The following LUZP2 variants were observed in gnomAD, a reference collection of about 807,000 sequenced individuals.
The protein encoded by LUZP2 is leucine zipper protein 2.
In LUZP2, 52 loss-of-function variants were observed where a neutral mutation model predicts 51.6. The observed-to-expected ratio is 1.01, with a 90% CI of 0.81 to 1.27. The LOEUF (loss-of-function observed/expected upper bound fraction) is 1.27, where lower values mean the gene tolerates loss of function less well. Ranked by LOEUF, LUZP2 falls within the 50% of genes most tolerant of loss-of-function variation. The probability of loss-of-function intolerance (pLI) is 0.00; values close to 1 mark genes in which losing one functional copy is unlikely to be tolerated. For synonymous variants in LUZP2, 154 were observed against 137.3 expected (o/e 1.12, Z -0.85); for missense variants, 436 against 395.4 (o/e 1.10, Z -0.87).
At chr11:24,566,413 C>G (rs1852221170) in intron 1 of LUZP2, among the ~76,000 whole-genome samples, 1 of 148,654 alleles carries the variant, frequency 6.7e-6, no homozygotes, top group Admixed American at 6.7e-5. Context: ...ACCACAACCT[C>G]CACCTCCCAG....
Position 25,050,119 on chromosome 11 carries a change from G to A in LUZP2, c.847G>A (p.Asp283Asn), listed in dbSNP as rs1414367584. 5 of 1,593,154 alleles carry A rather than the reference G, an allele frequency of 3.1e-6. No homozygotes were observed. In the African/African-American group the frequency reaches 6.8e-5, roughly 22 times the overall value. Residue 283 changes from aspartate (D) to asparagine (N), a missense_variant, in exon 10 of 12, where the codon GAC (aspartate) becomes AAC (asparagine). By Grantham distance (23) the Asp-to-Asn change is conservative. Transcript: ENST00000336930. ...AGGAAATCCAAGTACCACTGCCTGT[G>A]ACTCTCAAGATGTAAGAAAAACTTA... ...KEGNPSTTAC[D>N]SQDEGRPCSM...
intron 4 of LUZP2, among the ~76,000 whole-genome samples, chr11:24,750,809 A>T (rs1024514512): frequency 1.2e-4 from 19 of 152,198 alleles, no homozygotes; most frequent in African/African-American, 4.3e-4. Context: ...TAAATATATT[A>T]ATGTTTCCAT....
At chr11:24,839,187 A>T (rs1850950470) in intron 5 of LUZP2, among the ~76,000 whole-genome samples, 1 of 151,602 alleles carries the variant, frequency 6.6e-6, no homozygotes, top group Non-Finnish European at 1.5e-5. Context: ...TAATTTTTTA[A>T]AAAGTTGACC....
chr11:24,533,785 C>G (rs1052071453), intron 1 of LUZP2, among the ~76,000 whole-genome samples: 2 of 148,370 alleles, frequency 1.3e-5, no homozygotes, highest in Non-Finnish European at 3.0e-5. Flanking sequence ...TTATTTGCCT[C>G]GTTCTCCATG....
At chr11:24,763,698 G>T (rs542352625) in intron 5 of LUZP2, among the ~76,000 whole-genome samples, 1 of 152,154 alleles carries the variant, frequency 6.6e-6, no homozygotes, top group African/African-American at 2.4e-5. Flanking sequence ...ATGTGTTTAA[G>T]GATAATCTCA....
chr11:24,506,717 A>C (rs116004780), intron 1 of LUZP2, among the ~76,000 whole-genome samples: 8,904 of 152,056 alleles, frequency 0.059, 265 homozygotes, highest in Middle Eastern at 0.099. Context: ...ATCCTTACCT[A>C]TGACAACACA....
At chr11:24,934,405 C>G (rs1854536897) in intron 7 of LUZP2, among the ~76,000 whole-genome samples, 1 of 152,200 alleles carries the variant, frequency 6.6e-6, no homozygotes, top group Non-Finnish European at 1.5e-5. Context: ...ATAAAACACA[C>G]TTGTTCCAAG....
intron 1 of LUZP2, among the ~76,000 whole-genome samples, chr11:24,528,830 T>C (rs1426616176): frequency 6.6e-6 from 1 of 151,242 alleles, no homozygotes; most frequent in East Asian, 1.9e-4. Flanking sequence ...CTTAAAATCA[T>C]TAAATAATTC....
chr11:24,551,228 T>C (rs1209335887), intron 1 of LUZP2, among the ~76,000 whole-genome samples: 2 of 152,084 alleles, frequency 1.3e-5, no homozygotes, highest in Admixed American at 6.6e-5. Flanking sequence ...AAATGTAATA[T>C]ATACGTACTA....
At chr11:24,589,146 G>A (rs2133838138) in intron 1 of LUZP2, among the ~76,000 whole-genome samples, 1 of 152,138 alleles carries the variant, frequency 6.6e-6, no homozygotes, top group Non-Finnish European at 1.5e-5. Flanking sequence ...CTGCTTTCTG[G>A]GAATGTTCTC....
intron 5 of LUZP2, among the ~76,000 whole-genome samples, chr11:24,878,282 C>A (rs946682414): frequency 6.6e-6 from 1 of 151,836 alleles, no homozygotes; most frequent in African/African-American, 2.4e-5. Flanking sequence ...CTTTATTTCC[C>A]CTTCATATTT....
intron 1 of LUZP2, among the ~76,000 whole-genome samples, chr11:24,618,687 T>G (rs922068888): frequency 6.6e-6 from 1 of 152,160 alleles, no homozygotes; most frequent in Non-Finnish European, 1.5e-5. Context: ...CTTCCTTGAG[T>G]TCTAGATTCA....
At chr11:25,010,561 A>G (rs975141336) in intron 9 of LUZP2, among the ~76,000 whole-genome samples, 1 of 149,192 alleles carries the variant, frequency 6.7e-6, no homozygotes, top group Admixed American at 6.7e-5. Flanking sequence ...AATAATAACA[A>G]TAAGGCCGGG....
At chr11:24,726,649 A>G (rs567129347) in intron 1 of LUZP2, among the ~76,000 whole-genome samples, 5 of 152,176 alleles carry the variant, frequency 3.3e-5, no homozygotes, top group African/African-American at 1.2e-4. Context: ...TTAATTTTTA[A>G]GAGAGAAAGA....
At chr11:24,969,972 G>T (rs1007788155) in intron 7 of LUZP2, among the ~76,000 whole-genome samples, 2 of 152,098 alleles carry the variant, frequency 1.3e-5, no homozygotes, top group Non-Finnish European at 2.9e-5. Context: ...ATTATCTTAG[G>T]AATTAAGATG....
intron 1 of LUZP2, among the ~76,000 whole-genome samples, chr11:24,588,926 T>C (rs916348616): frequency 6.1e-4 from 93 of 152,270 alleles, no homozygotes; most frequent in African/African-American, 2.0e-3. Flanking sequence ...GACTGTTTCA[T>C]AGCCACCTTG....
chr11:24,921,313 G>A (rs1314817577), intron 7 of LUZP2, among the ~76,000 whole-genome samples: 1 of 152,070 alleles, frequency 6.6e-6, no homozygotes, highest in Non-Finnish European at 1.5e-5. Context: ...AGGGCCCAGG[G>A]GATTGGTTTG....
At chr11:24,762,898 C>T (rs1354355217) in intron 4 of LUZP2, 1 of 679,130 alleles carries the variant, frequency 1.5e-6, no homozygotes, top group Non-Finnish European at 1.8e-6. Flanking sequence ...ATAGAGATTC[C>T]TAGGTTCAAC....
chr11:24,880,127 G>T (rs1250475879), intron 5 of LUZP2, among the ~76,000 whole-genome samples: 1 of 152,170 alleles, frequency 6.6e-6, no homozygotes, highest in Non-Finnish European at 1.5e-5. Flanking sequence ...AAAACTCAAG[G>T]TTGGATTGCT....
Sources: allele counts gnomAD v4.1 joint callset (sites outside exome capture counted in the v4.1 genomes callset), GRCh38; gene constraint gnomAD v4.1.1; transcripts MANE v1.5; gene names NCBI Gene and HGNC (gene_info 2026-07-23, HGNC 2026-07-21).